The following DOK6 variants were observed in gnomAD, a reference collection of about 807,000 sequenced individuals.
DOK6 encodes the protein docking protein 6.
In DOK6, 22 loss-of-function variants were observed where a neutral mutation model predicts 44.0. That is an observed-to-expected ratio of 0.50 (90% confidence interval 0.36 to 0.71). The LOEUF is 0.71. Among genes scored for constraint, DOK6 ranks in the 30% least tolerant of loss-of-function variants. The pLI, the probability that DOK6 is intolerant of heterozygous loss-of-function variation, is 0.00. For synonymous variants in DOK6, 166 were observed against 145.5 expected, an observed-to-expected ratio of 1.14 and a Z score of -1.01; for missense variants, 340 against 416.4, an observed-to-expected ratio of 0.82 and a Z score of 1.60.
intron 5 of DOK6, among the ~76,000 whole-genome samples, chr18:69,728,668 C>T (rs565896197): frequency 2.0e-5 from 3 of 151,874 alleles, no homozygotes; most frequent in African/African-American, 4.8e-5. Context: ...TAACTTCCTG[C>T]CCCCCTTTAC....
intron 7 of DOK6, among the ~76,000 whole-genome samples, chr18:69,830,420 A>C (rs994485519): frequency 1.9e-4 from 29 of 152,290 alleles, no homozygotes; most frequent in African/African-American, 6.7e-4. Context: ...GTGTTCTTAT[A>C]AGAAAAGGAG....
chr18:69,614,402 G>A (rs1235645306), intron 3 of DOK6, among the ~76,000 whole-genome samples: 2 of 152,046 alleles, frequency 1.3e-5, no homozygotes, highest in African/African-American at 2.4e-5. Context: ...GTTTTACTGC[G>A]GCATAGTTAG....
intron 1 of DOK6, among the ~76,000 whole-genome samples, chr18:69,492,652 G>A (rs956692931): frequency 3.0e-4 from 45 of 151,726 alleles, no homozygotes; most frequent in African/African-American, 9.9e-4. Flanking sequence ...AGCTCCAACT[G>A]AGAACATGCA....
rs561548335 is a variant in DOK6, at chr18:69,845,090, A to T, written c.*3707A>T. On this transcript the variant is annotated 3_prime_UTR_variant, in exon 8 of 8. Coordinates refer to ENST00000382713, the MANE Select transcript of DOK6 (RefSeq NM_152721.6). ...CCTTGTTTGGCCAGTATCACAGAAAACTTTGTAAAAAAGCATGGGGACCCT... is the reference window on the plus strand; with the variant it reads ...CCTTGTTTGGCCAGTATCACAGAAATCTTTGTAAAAAAGCATGGGGACCCT... 1 of 152,300 alleles carries T rather than the reference A, an allele frequency of 6.6e-6. No homozygotes were observed. The highest frequency in any genetic ancestry group is 2.4e-5 in the African/African-American group (1 of 41,560). 9.4% of individuals were successfully genotyped at this position (152,300 alleles called of 1,614,324 possible).
intron 1 of DOK6, among the ~76,000 whole-genome samples, chr18:69,423,384 C>T (rs765607726): frequency 2.6e-5 from 4 of 152,314 alleles, no homozygotes; most frequent in African/African-American, 9.6e-5. Flanking sequence ...CATTTTCACA[C>T]TGAAGAGTTG....
chr18:69,499,008 T>G (rs942605951), intron 1 of DOK6, among the ~76,000 whole-genome samples: 1 of 152,226 alleles, frequency 6.6e-6, no homozygotes, highest in South Asian at 2.1e-4. Context: ...ATAGAGATTC[T>G]CAACTGCGTC....
chr18:69,536,979 C>CATTAATATT (rs1982139629), intron 1 of DOK6, among the ~76,000 whole-genome samples: 1 of 144,860 alleles, frequency 6.9e-6, no homozygotes, highest in Non-Finnish European at 1.5e-5. Flanking sequence ...GAAGATTTAT[C>CATTAATATT]ATTATTATTA....
intron 1 of DOK6, among the ~76,000 whole-genome samples, chr18:69,561,469 C>A (rs2144595594): frequency 6.6e-6 from 1 of 152,186 alleles, no homozygotes; most frequent in East Asian, 1.9e-4. Flanking sequence ...ATATTCTAAT[C>A]ATCTGTTTTT....
chr18:69,538,535 C>T (rs1373256560), intron 1 of DOK6, among the ~76,000 whole-genome samples: 3 of 151,968 alleles, frequency 2.0e-5, no homozygotes, highest in African/African-American at 7.3e-5. Context: ...GCATCCACCA[C>T]CATGCCCAGC....
At chr18:69,697,307 C>G (rs1402146267) in intron 4 of DOK6, among the ~76,000 whole-genome samples, 1 of 152,152 alleles carries the variant, frequency 6.6e-6, no homozygotes, top group Admixed American at 6.5e-5. Flanking sequence ...TGCAGCTGCA[C>G]TATTTCATCT....
intron 3 of DOK6, among the ~76,000 whole-genome samples, chr18:69,620,480 T>C (rs1322817107): frequency 4.6e-5 from 7 of 152,164 alleles, no homozygotes; most frequent in Non-Finnish European, 1.0e-4. Flanking sequence ...TATATCAATA[T>C]GAACACATTT....
intron 1 of DOK6, among the ~76,000 whole-genome samples, chr18:69,528,196 T>A (rs1427954049): frequency 2.7e-5 from 4 of 150,208 alleles, no homozygotes; most frequent in Admixed American, 6.6e-5. Context: ...ACCTTACAGA[T>A]GCAGAAACTA....
intron 3 of DOK6, among the ~76,000 whole-genome samples, chr18:69,635,664 C>T (rs1263378312): frequency 2.0e-5 from 3 of 150,336 alleles, no homozygotes; most frequent in Non-Finnish European, 3.0e-5. Flanking sequence ...ATCACAATTA[C>T]CAACACTTCC....
At chr18:69,679,103 G>C (rs537739562) in intron 4 of DOK6, among the ~76,000 whole-genome samples, 1 of 152,288 alleles carries the variant, frequency 6.6e-6, no homozygotes, top group South Asian at 2.1e-4. Flanking sequence ...TTGAGCCTGG[G>C]AGGCAGAGGT....
chr18:69,626,962 G>C (rs922838194), intron 3 of DOK6, among the ~76,000 whole-genome samples: 1 of 150,786 alleles, frequency 6.6e-6, no homozygotes, highest in Non-Finnish European at 1.5e-5. Flanking sequence ...GGACTGGTGA[G>C]AGGGGTCAGG....
At chr18:69,653,191 T>C (rs1171318634) in intron 3 of DOK6, among the ~76,000 whole-genome samples, 2 of 152,070 alleles carry the variant, frequency 1.3e-5, no homozygotes, top group South Asian at 4.1e-4. Context: ...AGACCATCTA[T>C]ACCTTGAAGC....
intron 1 of DOK6, among the ~76,000 whole-genome samples, chr18:69,502,338 A>G (rs1981071237): frequency 6.6e-6 from 1 of 152,086 alleles, no homozygotes; most frequent in Non-Finnish European, 1.5e-5. Flanking sequence ...GGGTAATTCA[A>G]GAAAATACTG....
At chr18:69,666,998 C>T (rs1265971215) in intron 3 of DOK6, among the ~76,000 whole-genome samples, 2 of 152,158 alleles carry the variant, frequency 1.3e-5, no homozygotes, top group Non-Finnish European at 2.9e-5. Context: ...AAGGACCCCC[C>T]CTCCCCGCCA....
chr18:69,690,558 A>T (rs190849723), intron 4 of DOK6, among the ~76,000 whole-genome samples: 1 of 152,338 alleles, frequency 6.6e-6, no homozygotes, highest in Admixed American at 6.5e-5. Flanking sequence ...TGGAGATAAG[A>T]TTATAAAGAA....
Sources: allele counts gnomAD v4.1 joint callset (sites outside exome capture counted in the v4.1 genomes callset), GRCh38; gene constraint gnomAD v4.1.1; transcripts MANE v1.5; gene names NCBI Gene and HGNC (gene_info 2026-07-23, HGNC 2026-07-21).